The following KCNQ1OT1 variants were observed in gnomAD, a reference collection of about 807,000 sequenced individuals.
KCNQ1OT1 encodes the protein KCNQ1 antisense RNA 2 (non-protein coding).
At position 2,685,095 on chromosome 11, in the gene KCNQ1OT1, G is replaced by A. The variant is rs77639468; in HGVS notation, n.14900C>T. On this transcript the variant is annotated non_coding_transcript_exon_variant, in exon 1 of 1. Transcript: ENST00000597346. ...GTGAGAATTACAGATTCCAGGGAAG[G>A]GGCCCTTTTGGCACGGGGGGTCTGA... is the stretch of plus-strand genomic sequence containing the variant. 1.9e-3 allele frequency: 762 copies of A among 398,660 alleles called. 6 individuals carry two copies. In the East Asian group the frequency reaches 0.026, roughly 14 times the overall value. 24.7% of individuals were successfully genotyped at this position (398,660 alleles called of 1,614,324 possible). A position where few individuals can be genotyped will look rare whatever the true frequency, so the allele number is the denominator to read the frequency against.
chr11:2,666,502 C>A (rs1850070572), exon 1 of KCNQ1OT1: 6 of 398,584 alleles, frequency 1.5e-5, no homozygotes, highest in Non-Finnish European at 2.2e-5. Flanking sequence ...TCTTTTCCAG[C>A]AAGGCCGCTG....
exon 1 of KCNQ1OT1, chr11:2,667,807 C>G (rs1850109989): frequency 7.5e-6 from 3 of 398,528 alleles, no homozygotes; most frequent in South Asian, 2.6e-4. Flanking sequence ...CCTGGGCTAC[C>G]CTGGTATAGG....
At position 2,623,411 on chromosome 11, in the gene KCNQ1OT1, G is replaced by C; in HGVS notation, n.76584C>G. On this transcript the variant is annotated non_coding_transcript_exon_variant, in exon 1 of 1. Transcript: ENST00000597346. The surrounding 1 kb of genome is among the most constrained non-coding windows in gnomAD (Gnocchi z 5.2). Reference sequence around the variant, plus strand: ...TTTCACTGCCCTAAAAGTACTCTGTGCACTGCCTATTCAACCCTTCTTCCC... The same window carrying C: ...TTTCACTGCCCTAAAAGTACTCTGTCCACTGCCTATTCAACCCTTCTTCCC... 2.5e-6 allele frequency: 1 copy of C among 398,528 alleles called. No individual in the cohort carries two copies. Among genetic ancestry groups the C allele is most frequent in the Non-Finnish European group, 4.4e-6 (1 of 226,054 alleles). 24.7% of individuals were successfully genotyped at this position (398,528 alleles called of 1,614,324 possible). A position where few individuals can be genotyped will look rare whatever the true frequency, so the allele number is the denominator to read the frequency against.
chr11:2,695,590 C>T lies in KCNQ1OT1; in HGVS notation n.4405G>A, dbSNP rs1850661668. 5.0e-6 allele frequency: 2 copies of T among 398,496 alleles called. No individual in the cohort carries two copies. Among genetic ancestry groups the T allele is most frequent in the South Asian group, 2.5e-4 (2 of 7,856 alleles). 24.7% of individuals were successfully genotyped at this position (398,496 alleles called of 1,614,324 possible). The stretch of plus-strand genomic sequence containing the variant: ...TGCACACACACAGCCTCTCGTTGTT[C>T]TGGGTGAGAACTGCTCCAGCATGTT... On this transcript the variant is annotated non_coding_transcript_exon_variant, in exon 1 of 1. Coordinates refer to ENST00000597346, the Ensembl canonical transcript of KCNQ1OT1. This position sits in a 1 kb window ranked among gnomAD's most constrained non-coding sequence, Gnocchi z 5.2.
chr11:2,662,306 T>C (rs1189666138), exon 1 of KCNQ1OT1: 14 of 601,296 alleles, frequency 2.3e-5, no homozygotes, highest in Middle Eastern at 4.4e-4. Flanking sequence ...TTTTGACTTA[T>C]GGAAAACCAG....
chr11:2,621,014 G>T lies in KCNQ1OT1; in HGVS notation n.78981C>A. ...GTTTTTTGAGAAAGAGTCTTGCTCT[G>T]TCTCCCAGGCTGGAGTGCAGTGGCG... On this transcript the variant is annotated non_coding_transcript_exon_variant, in exon 1 of 1. Coordinates refer to ENST00000597346, the Ensembl canonical transcript of KCNQ1OT1. This position sits in a 1 kb window ranked among gnomAD's most constrained non-coding sequence, Gnocchi z 5.7. 1 of 394,990 alleles carries T rather than the reference G, an allele frequency of 2.5e-6. No individual in the cohort carries two copies. Among genetic ancestry groups the T allele is most frequent in the Non-Finnish European group, 4.4e-6 (1 of 225,392 alleles). 24.5% of individuals were successfully genotyped at this position (394,990 alleles called of 1,614,324 possible).
Position 2,642,653 on chromosome 11 carries a change from C to G in KCNQ1OT1, n.57342G>C. On this transcript the variant is annotated non_coding_transcript_exon_variant, in exon 1 of 1. Transcript: ENST00000597346. This position sits in a 1 kb window ranked among gnomAD's most constrained non-coding sequence, Gnocchi z 4.3. ...TTGATCCTTTATATTTATTTAGTTT[C>G]TTGTTTAGTTCTGCTCTGATCTTCG... 2.5e-6 allele frequency: 1 copy of G among 397,530 alleles called. No individual in the cohort carries two copies. The highest frequency in any genetic ancestry group is 3.6e-5 in the East Asian group (1 of 27,920). 24.6% of individuals were successfully genotyped at this position (397,530 alleles called of 1,614,324 possible). A position where few individuals can be genotyped will look rare whatever the true frequency, so the allele number is the denominator to read the frequency against.
In KCNQ1OT1 at chr11:2,682,354, G is replaced by C. The variant is rs1430381129; in HGVS notation, n.17641C>G. The C allele has an allele frequency of 5.0e-6, 2 of 398,512 alleles. No individual in the cohort carries two copies. The highest frequency in any genetic ancestry group is 4.1e-5 in the African/African-American group (2 of 48,622). 24.7% of individuals were successfully genotyped at this position (398,512 alleles called of 1,614,324 possible). On this transcript the variant is annotated non_coding_transcript_exon_variant, in exon 1 of 1. Coordinates refer to ENST00000597346, the Ensembl canonical transcript of KCNQ1OT1. This position sits in a 1 kb window ranked among gnomAD's most constrained non-coding sequence, Gnocchi z 5.8. The stretch of plus-strand genomic sequence containing the variant: ...TTTATTTGTGGTAAAGGGTTTACTG[G>C]CTGGCTCCTTCTATCACATTCAAGG...
In KCNQ1OT1 at chr11:2,626,574, G is replaced by A. The variant is rs1418567932; in HGVS notation, n.73421C>T. On this transcript the variant is annotated non_coding_transcript_exon_variant, in exon 1 of 1. Coordinates refer to ENST00000597346, the Ensembl canonical transcript of KCNQ1OT1. The surrounding 1 kb of genome is among the most constrained non-coding windows in gnomAD (Gnocchi z 4.0). ...CAGACATTCTTACTCTGTTGCCCAC[G>A]CTGGAGTACAGTGGCATTATCACTG... 1.5e-5 allele frequency: 6 copies of A among 398,442 alleles called. No individual in the cohort carries two copies. The highest frequency in any genetic ancestry group is 1.3e-4 in the South Asian group (1 of 7,854). The allele number at this position is 398,442 out of a possible 1,614,324, so 24.7% of individuals were successfully genotyped here.
In KCNQ1OT1 at chr11:2,611,965, C is replaced by T; in HGVS notation, n.88030G>A. ...ATCTACTCAAATATTTTTGTCTGCCCTATTCTCTCCTTCTCAGTACTCTTA... is the reference window on the plus strand; with the variant it reads ...ATCTACTCAAATATTTTTGTCTGCCTTATTCTCTCCTTCTCAGTACTCTTA... On this transcript the variant is annotated non_coding_transcript_exon_variant, in exon 1 of 1. Coordinates refer to ENST00000597346, the Ensembl canonical transcript of KCNQ1OT1. This position sits in a 1 kb window ranked among gnomAD's most constrained non-coding sequence, Gnocchi z 5.3. 1 of 398,442 alleles carries T rather than the reference C, an allele frequency of 2.5e-6. No individual in the cohort carries two copies. The highest frequency in any genetic ancestry group is 4.4e-6 in the Non-Finnish European group (1 of 226,028). 24.7% of individuals were successfully genotyped at this position (398,442 alleles called of 1,614,324 possible).
rs550386365 is a variant in KCNQ1OT1, at chr11:2,664,176, A to G, written n.35819T>C. 1.5e-5 allele frequency: 6 copies of G among 398,550 alleles called. No individual in the cohort carries two copies. The highest frequency in any genetic ancestry group is 2.7e-5 in the Non-Finnish European group (6 of 226,200). 24.7% of individuals were successfully genotyped at this position (398,550 alleles called of 1,614,324 possible). On this transcript the variant is annotated non_coding_transcript_exon_variant, in exon 1 of 1. Transcript: ENST00000597346. The surrounding 1 kb of genome is among the most constrained non-coding windows in gnomAD (Gnocchi z 5.1). The stretch of plus-strand genomic sequence containing the variant: ...AGGCTGTTCCAAAAGTGGCTGCTAG[A>G]TATGAGCCAGCCTGGGAAGGCAGGA...
At position 2,620,090 on chromosome 11, in the gene KCNQ1OT1, T is replaced by A; in HGVS notation, n.79905A>T. The stretch of plus-strand genomic sequence containing the variant: ...TGTTTACTCAGTGTTTAGGTCCCAC[T>A]TGCAAGTGGTAACATGCAGTATTTG... On this transcript the variant is annotated non_coding_transcript_exon_variant, in exon 1 of 1. Transcript: ENST00000597346. The surrounding 1 kb of genome is among the most constrained non-coding windows in gnomAD (Gnocchi z 4.5). 1 of 398,432 alleles carries A rather than the reference T, an allele frequency of 2.5e-6. No individual in the cohort carries two copies. The highest frequency in any genetic ancestry group is 4.4e-5 in the Admixed American group (1 of 22,724). 24.7% of individuals were successfully genotyped at this position (398,432 alleles called of 1,614,324 possible). A position where few individuals can be genotyped will look rare whatever the true frequency, so the allele number is the denominator to read the frequency against.
chr11:2,691,866 C>A lies in KCNQ1OT1; in HGVS notation n.8129G>T. The A allele has an allele frequency of 2.5e-6, 1 of 398,730 alleles. No individual in the cohort carries two copies. The highest frequency in any genetic ancestry group is 4.4e-6 in the Non-Finnish European group (1 of 226,148). 24.7% of individuals were successfully genotyped at this position (398,730 alleles called of 1,614,324 possible). A position where few individuals can be genotyped will look rare whatever the true frequency, so the allele number is the denominator to read the frequency against. On this transcript the variant is annotated non_coding_transcript_exon_variant, in exon 1 of 1. Coordinates refer to ENST00000597346, the Ensembl canonical transcript of KCNQ1OT1. The surrounding 1 kb of genome is among the most constrained non-coding windows in gnomAD (Gnocchi z 6.4). ...GACCCCTAGGTCCTCTTTTCCATCC[C>A]TCCAGTTCTCCTGGCTTTCTTGCCA...
chr11:2,665,106 C>T (rs988682790), exon 1 of KCNQ1OT1: 6 of 398,396 alleles, frequency 1.5e-5, no homozygotes, highest in African/African-American at 1.2e-4. Flanking sequence ...AGAGTGGCGT[C>T]GCTGCACCCC....
exon 1 of KCNQ1OT1, chr11:2,662,473 G>A (rs1849979434): frequency 2.1e-6 from 1 of 468,142 alleles, no homozygotes; most frequent in Non-Finnish European, 3.7e-6. Flanking sequence ...GCCGGGTGCA[G>A]TCTGCCAGTT....
exon 1 of KCNQ1OT1, chr11:2,680,759 C>T (rs1850383649): frequency 6.8e-6 from 1 of 147,132 alleles, no homozygotes; most frequent in South Asian, 2.3e-4. Context: ...CTGACAACTA[C>T]TAACCTATTC....
exon 1 of KCNQ1OT1, chr11:2,622,170 A>G (rs1849184259): frequency 2.5e-6 from 1 of 398,250 alleles, no homozygotes. Context: ...CCTAAGTATT[A>G]TTGTAGAACT....
At chr11:2,632,182 C>CAAAAAAAAAAAAAA (rs34998500) in exon 1 of KCNQ1OT1, 1 of 258,774 alleles carries the variant, frequency 3.9e-6, no homozygotes. Context: ...GACTCTGCCT[C>CAAAAAAAAAAAAAA]AAAAAAAAAA....
chr11:2,624,518 T>C lies in KCNQ1OT1; in HGVS notation n.75477A>G. 2.5e-6 allele frequency: 1 copy of C among 398,530 alleles called. No individual in the cohort carries two copies. 24.7% of individuals were successfully genotyped at this position (398,530 alleles called of 1,614,324 possible). ...ACTAAAGATCATCTAGATTTCTTCC[T>C]ATGTTATCTTCTGGGATTTCTATTT... On this transcript the variant is annotated non_coding_transcript_exon_variant, in exon 1 of 1. Coordinates refer to ENST00000597346, the Ensembl canonical transcript of KCNQ1OT1. This position sits in a 1 kb window ranked among gnomAD's most constrained non-coding sequence, Gnocchi z 4.9.
Sources: allele counts gnomAD v4.1 joint callset, GRCh38; gene constraint gnomAD v4.1.1; non-coding constraint Gnocchi (gnomAD v3.1); transcripts MANE v1.5; gene names NCBI Gene and HGNC (gene_info 2026-07-23, HGNC 2026-07-21).